Variants in PRPF39 observed in about 807,000 individuals in gnomAD.
The protein encoded by PRPF39 is pre-mRNA processing factor 39, also known as pre-mRNA-processing factor 39.
A neutral mutation model predicts 82.1 loss-of-function variants in PRPF39; 27 were observed. The observed-to-expected ratio is 0.33, with a 90% CI of 0.24 to 0.45. The LOEUF (loss-of-function observed/expected upper bound fraction) is 0.45, where lower values mean the gene tolerates loss of function less well. Ranked by LOEUF, PRPF39 falls within the 20% of genes least tolerant of loss-of-function variation. PRPF39 has a pLI of 1.00. For missense variants in PRPF39, 581 were observed against 796.9 expected (o/e 0.73, Z 3.26); for synonymous variants, 261 against 256.4 (o/e 1.02, Z -0.17).
chr14:45,092,533 G>A (rs985884241), intron 1 of PRPF39, among the ~76,000 whole-genome samples: 4 of 150,018 alleles, frequency 2.7e-5, no homozygotes, highest in Admixed American at 6.7e-5. Context: ...CCCGGAAGGC[G>A]AGGGCTGCAG....
intron 1 of PRPF39, among the ~76,000 whole-genome samples, chr14:45,089,183 C>T (rs192923812): frequency 7.9e-5 from 12 of 152,328 alleles, no homozygotes; most frequent in Admixed American, 2.0e-4. Context: ...AGTCCAGTAT[C>T]ATTAAGCTTT....
At chr14:45,111,154 C>T (rs1884684826) in intron 10 of PRPF39, among the ~76,000 whole-genome samples, 1 of 152,154 alleles carries the variant, frequency 6.6e-6, no homozygotes, top group Admixed American at 6.5e-5. Context: ...TAGGCGTTGC[C>T]TATGTTGTAA....
rs1388355367 is a variant in PRPF39, at chr14:45,115,785, A to C, written c.*872A>C. ...CCTTATGCTTTTGCCTTCTCATTATACAGGCAATCTGTCCAGATAATTTTA... is the reference window on the plus strand; with the variant it reads ...CCTTATGCTTTTGCCTTCTCATTATCCAGGCAATCTGTCCAGATAATTTTA... On this transcript the variant is annotated 3_prime_UTR_variant, in exon 14 of 14. Transcript: ENST00000355765. The C allele has an allele frequency of 1.9e-5, 3 of 155,200 alleles. No homozygotes were observed. Among genetic ancestry groups the C allele is most frequent in the African/African-American group, 7.2e-5 (3 of 41,506 alleles). The allele number at this position is 155,200 out of a possible 1,614,324, so 9.6% of individuals were successfully genotyped here.
chr14:45,108,891 T>C (rs924746769), intron 7 of PRPF39, among the ~76,000 whole-genome samples: 3 of 152,348 alleles, frequency 2.0e-5, no homozygotes, highest in Middle Eastern at 6.8e-3. Flanking sequence ...TTGGTTTTTT[T>C]TGACTGCTTT....
At chr14:45,088,061 A>G (rs553543908) in intron 1 of PRPF39, among the ~76,000 whole-genome samples, 2 of 152,322 alleles carry the variant, frequency 1.3e-5, no homozygotes, top group Non-Finnish European at 2.9e-5. Flanking sequence ...GTGTATTGGT[A>G]GATATGGTCC....
intron 1 of PRPF39, among the ~76,000 whole-genome samples, chr14:45,086,151 G>A (rs1883821485): frequency 6.6e-6 from 1 of 152,102 alleles, no homozygotes; most frequent in Non-Finnish European, 1.5e-5. Flanking sequence ...ATGTTAGCCA[G>A]GCTGGTCTAG....
chr14:45,098,739 GTCT>G lies in PRPF39; in HGVS notation c.569+1738_569+1740del, dbSNP rs1594728951. ...AACCTTCCTACTATAATCTGGACTGGTCTTCTAGTTCTGCTGTACAAGAGTTGT... is the reference window on the plus strand; with the variant it reads ...AACCTTCCTACTATAATCTGGACTGGTCTAGTTCTGCTGTACAAGAGTTGT... On this transcript the variant is annotated intron_variant, in intron 4 of 13. Transcript: ENST00000355765. Among the ~76,000 whole-genome samples, 4 of 152,152 alleles carry G rather than the reference GTCT, an allele frequency of 2.6e-5. No homozygotes were observed. In the East Asian group the frequency reaches 7.7e-4, roughly 29 times the overall value.
chr14:45,096,770 T>A (rs1320240759), intron 3 of PRPF39, 117 bp from the exon 4 acceptor site: 1 of 1,540,096 alleles, frequency 6.5e-7, no homozygotes, highest in Admixed American at 2.0e-5. Flanking sequence ...TAATGGTAGA[T>A]TATTTAAACA....
At chr14:45,085,760 C>T (rs1053701814) in intron 1 of PRPF39, among the ~76,000 whole-genome samples, 1 of 152,166 alleles carries the variant, frequency 6.6e-6, no homozygotes, top group African/African-American at 2.4e-5. Context: ...CATCCCAAAT[C>T]TCCAGATTGC....
chr14:45,114,057 A>C, intron 11 of PRPF39, 126 bp from the exon 12 acceptor site: 1 of 648,260 alleles, frequency 1.5e-6, no homozygotes, highest in Non-Finnish European at 2.6e-6. Context: ...TAGTAGTAGA[A>C]ATTTTAAAAA....
In PRPF39 at chr14:45,095,223, C is replaced by G. The variant is rs181579901; in HGVS notation, c.-17C>G. 1.6e-4 allele frequency: 241 copies of G among 1,539,144 alleles called. 4 individuals are homozygous for G. Among genetic ancestry groups the G allele is most frequent in the East Asian group, 1.3e-3 (57 of 43,960 alleles). ...CTCTTTTTTTCGTGTTTCCACAGAT[C>G]GTTAACTGAAGACAATATGCAAAAT... On this transcript the variant is annotated splice_region_variant and 5_prime_UTR_variant, in exon 2 of 14. It adds an upstream start codon to the 5' untranslated region. Transcript: ENST00000355765.
At chr14:45,114,765 G>C in intron 13 of PRPF39, 92 bp from the exon 14 acceptor site, 3 of 1,396,354 alleles carry the variant, frequency 2.1e-6, no homozygotes, top group South Asian at 2.5e-5. Context: ...ACACTTGCTT[G>C]TTTTCTTAAA....
At chr14:45,104,530 C>T (rs188775895) in intron 5 of PRPF39, among the ~76,000 whole-genome samples, 44 of 151,954 alleles carry the variant, frequency 2.9e-4, no homozygotes, top group African/African-American at 1.0e-3. Flanking sequence ...GAATGAAGGC[C>T]CAAAGAAGCC....
At chr14:45,089,866 ACT>A (rs541793675) in intron 1 of PRPF39, among the ~76,000 whole-genome samples, 36 of 152,236 alleles carry the variant, frequency 2.4e-4, no homozygotes, top group African/African-American at 8.2e-4. Context: ...TATTCTTTTG[ACT>A]CTGTGATTTG....
intron 1 of PRPF39, among the ~76,000 whole-genome samples, chr14:45,089,153 T>C (rs760826890): frequency 6.6e-6 from 1 of 152,236 alleles, no homozygotes; most frequent in Non-Finnish European, 1.5e-5. Flanking sequence ...CTTTTGGCAT[T>C]ATCCAAGAGT....
chr14:45,101,616 C>T (rs1417936092), intron 4 of PRPF39, among the ~76,000 whole-genome samples: 1 of 151,970 alleles, frequency 6.6e-6, no homozygotes, highest in Non-Finnish European at 1.5e-5. Flanking sequence ...CAGATGTGCA[C>T]CACAACGCCT....
intron 1 of PRPF39, among the ~76,000 whole-genome samples, chr14:45,090,441 T>TAA (rs910040060): frequency 1.3e-5 from 2 of 152,340 alleles, no homozygotes; most frequent in Non-Finnish European, 2.9e-5. Context: ...ACTTTGCTTT[T>TAA]ACCCTTCTAC....
Position 45,115,202 on chromosome 14 carries a change from C to A in PRPF39, c.*289C>A, listed in dbSNP as rs976597608. On this transcript the variant is annotated 3_prime_UTR_variant, in exon 14 of 14. Coordinates refer to ENST00000355765, the MANE Select transcript of PRPF39 (RefSeq NM_017922.4). ...ATGCATTTGCAACAGAATTTTGTAG[C>A]CTTAAGGGGTAGGAAGAAAAACCTG... 4.5e-5 allele frequency: 9 copies of A among 200,536 alleles called. No individual in the cohort carries two copies. Among genetic ancestry groups the A allele is most frequent in the Middle Eastern group, 2.1e-3 (1 of 478 alleles). The allele number at this position is 200,536 out of a possible 1,614,324, so 12.4% of individuals were successfully genotyped here.
intron 4 of PRPF39, among the ~76,000 whole-genome samples, chr14:45,098,455 A>G (rs1884268233): frequency 6.6e-6 from 1 of 151,322 alleles, no homozygotes; most frequent in African/African-American, 2.4e-5. Context: ...TCAAAAAAAA[A>G]AAAAAAAGAG....
Sources: gnomAD v4.1 joint callset for allele counts (sites outside exome capture counted in the v4.1 genomes callset) on GRCh38, gnomAD v4.1.1 for gene constraint, MANE v1.5 for transcripts, NCBI Gene and HGNC (gene_info 2026-07-23, HGNC 2026-07-21) for gene names.